PALD1: variants seen among roughly 807,000 people sequenced by gnomAD.
PALD1 encodes paladin.
A neutral mutation model predicts 96.0 loss-of-function variants in PALD1; 57 were observed. The ratio of observed to expected loss-of-function variants is 0.59; its 90% CI spans 0.48 to 0.74. The LOEUF (loss-of-function observed/expected upper bound fraction) is 0.74, where lower values mean the gene tolerates loss of function less well. PALD1 is among the 30% of genes least tolerant of loss of function. The pLI is 0.00. For missense variants in PALD1, 1,063 were observed against 1,143.7 expected (o/e 0.93, Z 1.02); for synonymous variants, 464 against 473.6 (o/e 0.98, Z 0.26).
intron 1 of PALD1, among the ~76,000 whole-genome samples, chr10:70,501,169 GA>G (rs1265386614): frequency 6.6e-6 from 1 of 152,190 alleles, no homozygotes; most frequent in Non-Finnish European, 1.5e-5. Context: ...CCAGGGAGGG[GA>G]GAGAACTTCC....
intron 18 of PALD1, among the ~76,000 whole-genome samples, chr10:70,549,876 G>C (rs1847445675): frequency 6.6e-6 from 1 of 152,168 alleles, no homozygotes; most frequent in African/African-American, 2.4e-5. Flanking sequence ...TAATGAGAGA[G>C]GAAGCAGAGC....
chr10:70,565,817 G>C (rs928562650), intron 19 of PALD1, among the ~76,000 whole-genome samples: 38 of 152,122 alleles, frequency 2.5e-4, no homozygotes, highest in African/African-American at 8.9e-4. Flanking sequence ...GACACTTCCT[G>C]CTTGGGTTCT....
At chr10:70,510,847 G>C (rs1394380361) in intron 1 of PALD1, among the ~76,000 whole-genome samples, 1 of 152,212 alleles carries the variant, frequency 6.6e-6, no homozygotes, top group Non-Finnish European at 1.5e-5. Flanking sequence ...AATCTCTGCA[G>C]CTGACTCAGG....
At chr10:70,496,753 C>T (rs1160100609) in intron 1 of PALD1, among the ~76,000 whole-genome samples, 2 of 152,206 alleles carry the variant, frequency 1.3e-5, no homozygotes, top group Non-Finnish European at 2.9e-5. Flanking sequence ...ACACCCGCTT[C>T]TCTAGGACGT....
At chr10:70,526,801 T>C (rs1213350797) in intron 2 of PALD1, among the ~76,000 whole-genome samples, 1 of 152,180 alleles carries the variant, frequency 6.6e-6, no homozygotes, top group Non-Finnish European at 1.5e-5. Flanking sequence ...TGAGAAGCCT[T>C]GTACTTTCCA....
intron 18 of PALD1, among the ~76,000 whole-genome samples, chr10:70,562,983 T>C (rs12783122): frequency 0.23 from 34,719 of 152,068 alleles, 4,607 homozygotes; most frequent in Admixed American, 0.39. Context: ...AAGTCACTCA[T>C]ACTCTCAAAC....
intron 18 of PALD1, among the ~76,000 whole-genome samples, chr10:70,562,440 G>A (rs1370809560): frequency 6.6e-6 from 1 of 152,236 alleles, no homozygotes; most frequent in African/African-American, 2.4e-5. Flanking sequence ...CTGGGACTGT[G>A]GACTGTGCCA....
chr10:70,477,323 C>G (rs1373600535), upstream of PALD1, among the ~76,000 whole-genome samples: 1 of 152,202 alleles, frequency 6.6e-6, no homozygotes, highest in Non-Finnish European at 1.5e-5. Context: ...GAGGATGAAG[C>G]CATCTTATGG....
chr10:70,539,822 C>T lies in PALD1; in HGVS notation c.1908+60C>T, dbSNP rs540731184. The T allele has an allele frequency of 6.9e-7, 1 of 1,453,394 alleles. No homozygotes were observed. The highest frequency in any genetic ancestry group is 1.4e-5 in the African/African-American group (1 of 69,470). The allele number at this position is 1,453,394 out of a possible 1,614,324, so 90.0% of individuals were successfully genotyped here. A position where few individuals can be genotyped will look rare whatever the true frequency, so the allele number is the denominator to read the frequency against. Reference sequence around the variant, plus strand: ...GGGACAGGAGGCCTCCCTGTCTCCCCTCTGGTCTGGGCTCTGGGAGAATGA... The same window carrying T: ...GGGACAGGAGGCCTCCCTGTCTCCCTTCTGGTCTGGGCTCTGGGAGAATGA... On this transcript the variant is annotated intron_variant, in intron 15 of 19. Coordinates refer to ENST00000263563, the MANE Select transcript of PALD1 (RefSeq NM_014431.3). This position sits in a 1 kb window ranked among gnomAD's most constrained non-coding sequence, Gnocchi z 4.5.
rs769447017 is a variant in PALD1 at position 70,532,686 on chromosome 10, G to T, written c.699G>T (p.Trp233Cys). ...YHVYHNTEDLWGEPHAVAIHG... is the reference protein window; with the variant it reads ...YHVYHNTEDLCGEPHAVAIHG... ...TGTACCATAACACCGAGGACCTGTGGGGGGAGCCCCATGCTGTGGCCATCC... is the reference window on the plus strand; with the variant it reads ...TGTACCATAACACCGAGGACCTGTGTGGGGAGCCCCATGCTGTGGCCATCC... The change falls in exon 6 of 20, where the codon TGG becomes TGT. Residue 233 changes from tryptophan (W) to cysteine (C), a missense_variant. Transcript: ENST00000263563. 2 of 1,614,084 alleles carry T rather than the reference G, an allele frequency of 1.2e-6. No homozygotes were observed. The highest frequency in any genetic ancestry group is 1.3e-5 in the African/African-American group (1 of 74,932).
chr10:70,489,223 G>A (rs1301320146), intron 1 of PALD1, among the ~76,000 whole-genome samples: 1 of 152,116 alleles, frequency 6.6e-6, no homozygotes, highest in Non-Finnish European at 1.5e-5. Context: ...GGCTGCCTGG[G>A]CTCAGATTTT....
At chr10:70,521,541 CT>C (rs919035664) in intron 1 of PALD1, among the ~76,000 whole-genome samples, 1 of 151,598 alleles carries the variant, frequency 6.6e-6, no homozygotes, top group Non-Finnish European at 1.5e-5. Flanking sequence ...CCTCTTTTTT[CT>C]TTTTTTTCGA....
At chr10:70,544,737 G>A (rs957175724) in intron 17 of PALD1, among the ~76,000 whole-genome samples, 2 of 152,194 alleles carry the variant, frequency 1.3e-5, no homozygotes, top group African/African-American at 4.8e-5. Context: ...CCCAGAGGAC[G>A]CAGTTCCCTG....
At chr10:70,510,820 C>T (rs911029651) in intron 1 of PALD1, among the ~76,000 whole-genome samples, 2 of 152,164 alleles carry the variant, frequency 1.3e-5, no homozygotes, top group Non-Finnish European at 2.9e-5. Flanking sequence ...AAACATTTAG[C>T]GGCTTGGGAC....
chr10:70,556,302 C>CTCTCTCTCTG (rs1213631246), intron 18 of PALD1, among the ~76,000 whole-genome samples: 13 of 137,390 alleles, frequency 9.5e-5, no homozygotes, highest in African/African-American at 3.5e-4. Context: ...CTCTCTCTCT[C>CTCTCTCTCTG]TCTCTGTCTC....
chr10:70,473,241 C>T, the PALD1 span, among the ~76,000 whole-genome samples: 3 of 152,222 alleles, frequency 2.0e-5, no homozygotes, highest in Non-Finnish European at 2.9e-5. Flanking sequence ...CCCGACTCTG[C>T]AGGAAACACA....
chr10:70,560,903 G>T (rs552764051), intron 18 of PALD1, among the ~76,000 whole-genome samples: 49 of 149,198 alleles, frequency 3.3e-4, no homozygotes, highest in Non-Finnish European at 5.9e-5. Flanking sequence ...TCAACAGGAG[G>T]TGGCTGACCC....
intron 2 of PALD1, among the ~76,000 whole-genome samples, chr10:70,526,798 C>G (rs994211066): frequency 1.3e-5 from 2 of 152,166 alleles, no homozygotes; most frequent in Admixed American, 6.5e-5. Flanking sequence ...CGTTGAGAAG[C>G]CTTGTACTTT....
intron 19 of PALD1, among the ~76,000 whole-genome samples, chr10:70,566,286 C>T (rs138257426): frequency 1.4e-4 from 21 of 152,310 alleles, no homozygotes; most frequent in South Asian, 1.0e-3. Flanking sequence ...GTGGGAGCAT[C>T]GAGCTGCACA....
Sources: allele counts gnomAD v4.1 joint callset (sites outside exome capture counted in the v4.1 genomes callset), GRCh38; gene constraint gnomAD v4.1.1; non-coding constraint Gnocchi (gnomAD v3.1); transcripts MANE v1.5; gene names NCBI Gene and HGNC (gene_info 2026-07-23, HGNC 2026-07-21).